TAFA2: variants seen among roughly 807,000 people sequenced by gnomAD.
TAFA2 encodes chemokine-like protein TAFA-2.
In TAFA2, 7 loss-of-function variants were observed where a neutral mutation model predicts 18.8. That is an observed-to-expected ratio of 0.37 (90% CI 0.21 to 0.70). The LOEUF (loss-of-function observed/expected upper bound fraction) is 0.70. TAFA2 is among the 30% of genes least tolerant of loss of function. TAFA2 has a pLI of 0.53. For synonymous variants in TAFA2, 60 were observed against 54.2 expected (o/e 1.11, Z -0.47); for missense variants, 122 against 158.1 (o/e 0.77, Z 1.23).
At chr12:61,838,191 T>C (rs961824601) in intron 2 of TAFA2, among the ~76,000 whole-genome samples, 1 of 151,652 alleles carries the variant, frequency 6.6e-6, no homozygotes, top group Non-Finnish European at 1.5e-5. Context: ...GAGGAAAAAA[T>C]AAAATTGATA....
intron 1 of TAFA2, among the ~76,000 whole-genome samples, chr12:62,107,590 T>C (rs1440770727): frequency 2.0e-5 from 3 of 152,176 alleles, no homozygotes; most frequent in Non-Finnish European, 4.4e-5. Context: ...TTAAGTAAGG[T>C]TTGCATTCAG....
chr12:61,725,014 T>A (rs1041638691), intron 4 of TAFA2, among the ~76,000 whole-genome samples: 5 of 151,896 alleles, frequency 3.3e-5, no homozygotes, highest in African/African-American at 1.2e-4. Flanking sequence ...GGCCATTCCA[T>A]TGTGGTTTTG....
chr12:62,171,983 A>C (rs565089892), intron 1 of TAFA2, among the ~76,000 whole-genome samples: 1 of 152,308 alleles, frequency 6.6e-6, no homozygotes, highest in South Asian at 2.1e-4. Context: ...TTTAAAATTC[A>C]TGGAGGATTA....
intron 1 of TAFA2, among the ~76,000 whole-genome samples, chr12:62,126,639 TGAGA>T (rs1296153831): frequency 6.6e-6 from 1 of 151,984 alleles, no homozygotes; most frequent in African/African-American, 2.4e-5. Context: ...TATTCCATGC[TGAGA>T]GAATCAAGGT....
chr12:62,176,026 T>C (rs1490282236), intron 1 of TAFA2, among the ~76,000 whole-genome samples: 1 of 152,110 alleles, frequency 6.6e-6, no homozygotes, highest in Non-Finnish European at 1.5e-5. Context: ...CCTTTGATGT[T>C]GCCATATTAA....
At chr12:61,831,666 C>T (rs1322692673) in intron 2 of TAFA2, among the ~76,000 whole-genome samples, 3 of 152,018 alleles carry the variant, frequency 2.0e-5, no homozygotes, top group Non-Finnish European at 2.9e-5. Context: ...TAAAACTCTT[C>T]GATTAAACTC....
In TAFA2 at chr12:61,963,243, A is replaced by G. The variant is rs191283691; in HGVS notation, c.-1-95817T>C. Among the ~76,000 whole-genome samples, 45 of 152,158 alleles carry G rather than the reference A, an allele frequency of 3.0e-4. 1 individual carries two copies. The highest frequency in any genetic ancestry group is 2.4e-3 in the Admixed American group (37 of 15,266). Reference sequence around the variant, plus strand: ...TAATCCTTTGGGTATATACCCAGTAATAGGATTGCTGGGTCAACCAGTATT... The same window carrying G: ...TAATCCTTTGGGTATATACCCAGTAGTAGGATTGCTGGGTCAACCAGTATT... On this transcript the variant is annotated intron_variant, in intron 1 of 4. Transcript: ENST00000416284.
intron 1 of TAFA2, among the ~76,000 whole-genome samples, chr12:61,920,305 A>G (rs1374575591): frequency 6.6e-6 from 1 of 152,200 alleles, no homozygotes; most frequent in Non-Finnish European, 1.5e-5. Context: ...GAAAGAAGCC[A>G]TCTTGGAGCA....
rs112279375 is a variant in TAFA2, at chr12:62,144,785, T to TA, written c.-2+46473dup. Among the ~76,000 whole-genome samples, 678 of 152,286 alleles carry TA rather than the reference T, an allele frequency of 4.5e-3. 6 individuals carry two copies. Among genetic ancestry groups the TA allele is most frequent in the African/African-American group, 0.015 (628 of 41,558 alleles). On this transcript the variant is annotated intron_variant, in intron 1 of 4. Coordinates refer to ENST00000416284, the MANE Select transcript of TAFA2 (RefSeq NM_178539.5). ...CCATCCCAAGGCTGGCAGTTTTTTT[T>TA]ATTAAACCACTGCCTTCCCAGGATG...
intron 1 of TAFA2, among the ~76,000 whole-genome samples, chr12:62,086,861 A>G (rs1401409940): frequency 6.6e-6 from 1 of 152,174 alleles, no homozygotes; most frequent in Non-Finnish European, 1.5e-5. Flanking sequence ...ACTATTCACA[A>G]TAGCCAAAAT....
At chr12:61,969,920 T>C (rs1879189578) in intron 1 of TAFA2, among the ~76,000 whole-genome samples, 3 of 151,522 alleles carry the variant, frequency 2.0e-5, no homozygotes, top group African/African-American at 7.3e-5. Context: ...AGATCCAATA[T>C]GGCTAAAGCA....
intron 2 of TAFA2, among the ~76,000 whole-genome samples, chr12:61,824,655 T>C (rs546616821): frequency 2.0e-4 from 30 of 152,320 alleles, no homozygotes; most frequent in African/African-American, 7.2e-4. Context: ...AACTGGCTGG[T>C]TCTTTGGCCA....
chr12:62,159,763 CTG>C (rs2062393994), intron 1 of TAFA2, among the ~76,000 whole-genome samples: 1 of 152,108 alleles, frequency 6.6e-6, no homozygotes, highest in South Asian at 2.1e-4. Flanking sequence ...ACAGTGTATA[CTG>C]CTCGGGTGAT....
At chr12:62,023,794 G>A (rs1881224906) in intron 1 of TAFA2, 1 of 151,824 alleles carries the variant, frequency 6.6e-6, no homozygotes, top group Non-Finnish European at 1.5e-5. Flanking sequence ...CGAATGGAAG[G>A]AGAAAAATTA....
intron 2 of TAFA2, among the ~76,000 whole-genome samples, chr12:61,863,101 A>G (rs1250979165): frequency 6.6e-6 from 1 of 152,176 alleles, no homozygotes; most frequent in Non-Finnish European, 1.5e-5. Flanking sequence ...TGGGTCTAGC[A>G]TATCCCAGAA....
intron 2 of TAFA2, among the ~76,000 whole-genome samples, chr12:61,807,686 T>G (rs2198779): frequency 0.87 from 131,803 of 151,166 alleles, 57,719 homozygotes; most frequent in African/African-American, 0.91. Context: ...GAGTGGAGCT[T>G]CCCAAGACCA....
At chr12:61,941,059 A>G (rs967340051) in intron 1 of TAFA2, among the ~76,000 whole-genome samples, 2 of 152,194 alleles carry the variant, frequency 1.3e-5, no homozygotes, top group Non-Finnish European at 2.9e-5. Context: ...TATGTTTTAA[A>G]CAATATGGGC....
intron 2 of TAFA2, among the ~76,000 whole-genome samples, chr12:61,847,352 G>A (rs1436382093): frequency 6.6e-6 from 1 of 152,088 alleles, no homozygotes; most frequent in Non-Finnish European, 1.5e-5. Context: ...TACTTAAGTA[G>A]TATCTGGTAC....
intron 1 of TAFA2, among the ~76,000 whole-genome samples, chr12:61,985,153 A>G (rs1424406968): frequency 6.6e-6 from 1 of 152,262 alleles, no homozygotes; most frequent in Non-Finnish European, 1.5e-5. Flanking sequence ...AGTCCAAAGA[A>G]ATAATCCCTG....
Sources: allele counts gnomAD v4.1 joint callset (sites outside exome capture counted in the v4.1 genomes callset), GRCh38; gene constraint gnomAD v4.1.1; transcripts MANE v1.5; gene names NCBI Gene and HGNC (gene_info 2026-07-23, HGNC 2026-07-21).